OSBPL6: variants seen among roughly 807,000 people sequenced by gnomAD.
OSBPL6 encodes the protein oxysterol-binding protein-related protein 6.
A neutral mutation model predicts 125.8 loss-of-function variants in OSBPL6; 49 were observed. The ratio of observed to expected loss-of-function variants is 0.39; its 90% confidence interval spans 0.31 to 0.49. The LOEUF (loss-of-function observed/expected upper bound fraction) is 0.49, where lower values mean the gene tolerates loss of function less well. Ranked by LOEUF, OSBPL6 falls within the 20% of genes least tolerant of loss-of-function variation. The pLI is 0.88. For synonymous variants in OSBPL6, 394 were observed against 391.8 expected, an observed-to-expected ratio of 1.01 and a Z score of -0.07; for missense variants, 986 against 1,135.4, an observed-to-expected ratio of 0.87 and a Z score of 1.89.
intron 1 of OSBPL6, among the ~76,000 whole-genome samples, chr2:178,267,372 A>C (rs944888210): frequency 6.6e-6 from 1 of 150,580 alleles, no homozygotes; most frequent in Admixed American, 6.6e-5. Context: ...AAAAAAAAAA[A>C]AAACAAAACA....
At chr2:178,356,393 C>T (rs1442517024) in intron 12 of OSBPL6, among the ~76,000 whole-genome samples, 2 of 152,216 alleles carry the variant, frequency 1.3e-5, no homozygotes, top group East Asian at 3.8e-4. Context: ...AGCAAAATCT[C>T]AGGATACAAA....
At chr2:178,320,632 A>G (rs1019831934) in intron 3 of OSBPL6, among the ~76,000 whole-genome samples, 1 of 152,234 alleles carries the variant, frequency 6.6e-6, no homozygotes, top group African/African-American at 2.4e-5. Flanking sequence ...TTGTGAAGAA[A>G]AGTACAAAAA....
In OSBPL6 at chr2:178,397,070, C is replaced by G. The variant is rs968383253; in HGVS notation, c.*1511C>G. ...TAAAACTCTGATACAGTTACAGACA[C>G]TTTACATTTTATTATGAGGTGTTGA... On this transcript the variant is annotated 3_prime_UTR_variant, in exon 25 of 25. Transcript: ENST00000190611. The G allele has an allele frequency of 4.6e-5, 7 of 152,172 alleles. No individual in the cohort carries two copies. The highest frequency in any genetic ancestry group is 1.0e-4 in the Non-Finnish European group (7 of 68,032). The allele number at this position is 152,172 out of a possible 1,614,324, so 9.4% of individuals were successfully genotyped here.
intron 18 of OSBPL6, among the ~76,000 whole-genome samples, chr2:178,384,635 C>T (rs1359728573): frequency 6.6e-6 from 1 of 152,144 alleles, no homozygotes; most frequent in Non-Finnish European, 1.5e-5. Flanking sequence ...CTCAGTCTCA[C>T]TCTGTGAATC....
chr2:178,358,789 A>T (rs1408350943), intron 12 of OSBPL6, among the ~76,000 whole-genome samples: 1 of 152,180 alleles, frequency 6.6e-6, no homozygotes, highest in African/African-American at 2.4e-5. Flanking sequence ...GTAAATTTTT[A>T]AAAATAAGCT....
intron 1 of OSBPL6, among the ~76,000 whole-genome samples, chr2:178,209,235 T>C (rs2089712942): frequency 6.6e-6 from 1 of 152,132 alleles, no homozygotes; most frequent in Non-Finnish European, 1.5e-5. Flanking sequence ...ATTTGGGTAT[T>C]AGACTTTCTG....
At chr2:178,276,956 A>C (rs2092482611) in intron 1 of OSBPL6, among the ~76,000 whole-genome samples, 1 of 152,186 alleles carries the variant, frequency 6.6e-6, no homozygotes, top group Admixed American at 6.5e-5. Flanking sequence ...TTTATAAGTA[A>C]GGTTTTGCTG....
intron 1 of OSBPL6, 61 bp from the exon 2 acceptor site, chr2:178,284,866 G>A (rs927589866): frequency 1.0e-5 from 4 of 393,618 alleles, no homozygotes; most frequent in African/African-American, 2.1e-5. Context: ...GGCAGTCCCC[G>A]TGAGAGGCTC....
chr2:178,322,940 T>A (rs1574865306), intron 3 of OSBPL6, among the ~76,000 whole-genome samples: 1 of 149,602 alleles, frequency 6.7e-6, no homozygotes, highest in South Asian at 2.1e-4. Context: ...AAAAAACCTT[T>A]AAAAAAAATC....
At chr2:178,355,924 T>A (rs1487692729) in intron 12 of OSBPL6, among the ~76,000 whole-genome samples, 1 of 152,252 alleles carries the variant, frequency 6.6e-6, no homozygotes, top group Non-Finnish European at 1.5e-5. Context: ...GATGCAAGGC[T>A]GGTTCAACAT....
chr2:178,310,981 A>G (rs900306261), intron 3 of OSBPL6, among the ~76,000 whole-genome samples: 5 of 152,142 alleles, frequency 3.3e-5, no homozygotes. Context: ...TCCTTGCCCA[A>G]CATACAGGTC....
At chr2:178,329,586 T>C (rs2154076289) in intron 5 of OSBPL6, among the ~76,000 whole-genome samples, 2 of 151,506 alleles carry the variant, frequency 1.3e-5, no homozygotes, top group Middle Eastern at 6.8e-3. Flanking sequence ...GCTTGGCTAA[T>C]TTTTTTTTAT....
intron 2 of OSBPL6, 65 bp downstream of exon 2, chr2:178,285,186 G>GCAACACC: frequency 2.5e-6 from 1 of 396,952 alleles, no homozygotes; most frequent in Non-Finnish European, 4.4e-6. Flanking sequence ...CTTAATAATA[G>GCAACACC]CAACAGATTA....
At chr2:178,379,873 C>T (rs1694300743) in intron 15 of OSBPL6, among the ~76,000 whole-genome samples, 1 of 152,136 alleles carries the variant, frequency 6.6e-6, no homozygotes, top group Non-Finnish European at 1.5e-5. Context: ...ACAAAATTAC[C>T]ATTATTCATC....
chr2:178,342,655 T>G (rs1241924658), intron 11 of OSBPL6, among the ~76,000 whole-genome samples: 1 of 152,174 alleles, frequency 6.6e-6, no homozygotes, highest in Non-Finnish European at 1.5e-5. Context: ...ACTTCAAACT[T>G]CCTGGTTCGA....
chr2:178,251,158 G>A (rs984376435), intron 1 of OSBPL6, among the ~76,000 whole-genome samples: 3 of 152,042 alleles, frequency 2.0e-5, no homozygotes, highest in African/African-American at 7.2e-5. Context: ...AGAGCAGAAG[G>A]GGGATCCATG....
chr2:178,210,499 A>G (rs979152815), intron 1 of OSBPL6, among the ~76,000 whole-genome samples: 6 of 152,238 alleles, frequency 3.9e-5, no homozygotes, highest in African/African-American at 1.4e-4. Context: ...TGCCTTATAT[A>G]CAATGGACAT....
chr2:178,323,948 C>T (rs1688474438), intron 3 of OSBPL6, among the ~76,000 whole-genome samples: 1 of 152,188 alleles, frequency 6.6e-6, no homozygotes, highest in Non-Finnish European at 1.5e-5. Flanking sequence ...CTCTCCAAGA[C>T]TGAAACCGGC....
chr2:178,325,370 C>T (rs555199435), intron 4 of OSBPL6, among the ~76,000 whole-genome samples: 1 of 152,286 alleles, frequency 6.6e-6, no homozygotes, highest in African/African-American at 2.4e-5. Flanking sequence ...AATATATACA[C>T]TTGAACCTCT....
Sources: allele counts gnomAD v4.1 joint callset (sites outside exome capture counted in the v4.1 genomes callset), GRCh38; gene constraint gnomAD v4.1.1; transcripts MANE v1.5; gene names NCBI Gene and HGNC (gene_info 2026-07-23, HGNC 2026-07-21).